Variants in CYLD observed in about 807,000 individuals in gnomAD.
CYLD encodes the protein CYLD lysine 63 deubiquitinase, also known as ubiquitin carboxyl-terminal hydrolase CYLD.
CYLD carries 26 observed loss-of-function variants against 104.5 expected under a neutral mutation model. The observed-to-expected ratio is 0.25, with a 90% CI of 0.18 to 0.35. The LOEUF (loss-of-function observed/expected upper bound fraction) is 0.35. Ranked by LOEUF, CYLD falls within the 10% of genes least tolerant of loss-of-function variation. CYLD has a pLI of 1.00. For missense variants in CYLD, 703 were observed against 1,136.1 expected (o/e 0.62, Z 5.48); for synonymous variants, 385 against 399.9 (o/e 0.96, Z 0.45).
At chr16:50,781,897 A>G (rs1003181430) in intron 10 of CYLD, among the ~76,000 whole-genome samples, 1 of 152,216 alleles carries the variant, frequency 6.6e-6, no homozygotes, top group Non-Finnish European at 1.5e-5. Context: ...CCACTTCTAC[A>G]TAATAGTGGA....
chr16:50,795,227 A>G (rs1228595256), intron 18 of CYLD, among the ~76,000 whole-genome samples: 1 of 152,154 alleles, frequency 6.6e-6, no homozygotes, highest in Non-Finnish European at 1.5e-5. Flanking sequence ...GTACTAAACC[A>G]TGTTATCTTC....
In CYLD at chr16:50,782,348, G is replaced by A; in HGVS notation, c.1708G>A (p.Val570Ile). Residue 570 changes from valine (V) to isoleucine (I), a missense_variant, in exon 11 of 19, where the codon GTA becomes ATA. Around this residue, in one of 5 missense-constraint regions of CYLD, gnomAD observed 125 missense variants for 325.4 expected, o/e 0.38. Coordinates refer to ENST00000427738, the MANE Select transcript of CYLD (RefSeq NM_001378743.1). ...SLAFGGYLSE[V>I]VEENTPPKME... ...AGCATTTGGAGGCTACTTAAGTGAA[G>A]TAGTAGAAGAAAATACTCCACCAAA... The A allele has an allele frequency of 1.9e-6, 3 of 1,612,152 alleles. No homozygotes were observed. Among genetic ancestry groups the A allele is most frequent in the Non-Finnish European group, 2.5e-6 (3 of 1,178,416 alleles).
At chr16:50,778,439 TCAAA>T (rs761813087) in intron 8 of CYLD, 3 of 158,238 alleles carry the variant, frequency 1.9e-5, no homozygotes, top group Non-Finnish European at 2.8e-5. Context: ...TAGAAATTAG[TCAAA>T]CAACCACAGA....
chr16:50,801,547 A>G lies in CYLD; in HGVS notation c.*5039A>G, dbSNP rs1254749180. 4.3e-6 allele frequency: 1 copy of G among 233,710 alleles called. No homozygotes were observed. The highest frequency in any genetic ancestry group is 2.2e-5 in the African/African-American group (1 of 45,364). The allele number at this position is 233,710 out of a possible 1,614,324, so 14.5% of individuals were successfully genotyped here. ...ACTCAACTGCCCTTGGTTTTAGTTT[A>G]TAAAATGGCCTAGTACTGTGGAATT... On this transcript the variant is annotated 3_prime_UTR_variant, in exon 19 of 19. Coordinates refer to ENST00000427738, the MANE Select transcript of CYLD (RefSeq NM_001378743.1).
At chr16:50,766,936 G>T (rs1968587747) in intron 5 of CYLD, among the ~76,000 whole-genome samples, 1 of 152,208 alleles carries the variant, frequency 6.6e-6, no homozygotes, top group Non-Finnish European at 1.5e-5. Flanking sequence ...GACAACAAAG[G>T]ATTTAGAATA....
chr16:50,756,501 T>C (rs1967257602), intron 5 of CYLD, among the ~76,000 whole-genome samples: 1 of 152,204 alleles, frequency 6.6e-6, no homozygotes, highest in Non-Finnish European at 1.5e-5. Flanking sequence ...CAATCTTTTA[T>C]TTTGCCTCTA....
At position 50,786,912 on chromosome 16, in the gene CYLD, G is replaced by A; in HGVS notation, c.2007G>A (p.Val669=). ...AACTGAGGAAAATACTTGAAAAGGT[G>A]GAGGCTGCATCAGGATTTACCTCTG... The part of the protein sequence containing the change: ...IMKLRKILEK[V]EAASGFTSEE... The change falls in exon 13 of 19, where the codon GTG becomes GTA. Residue 669 remains valine, a synonymous_variant. Transcript: ENST00000427738. 6.2e-7 allele frequency: 1 copy of A among 1,614,046 alleles called. No homozygotes were observed.
chr16:50,792,515 G>C lies in CYLD; in HGVS notation c.2242-82G>C. On this transcript the variant is annotated intron_variant, in intron 15 of 18. Coordinates refer to ENST00000427738, the MANE Select transcript of CYLD (RefSeq NM_001378743.1). The stretch of plus-strand genomic sequence containing the variant: ...ATATTAAGGCAGAACTGTTTTGTTT[G>C]ACAGCCATGACTATTTTGGTTTCAT... The C allele has an allele frequency of 5.6e-6, 5 of 900,512 alleles. No homozygotes were observed. The South Asian group carries it at 7.3e-5, about 13-fold the overall frequency. 55.8% of individuals were successfully genotyped at this position (900,512 alleles called of 1,614,324 possible). A position where few individuals can be genotyped will look rare whatever the true frequency, so the allele number is the denominator to read the frequency against.
chr16:50,754,456 G>T (rs1169401220), intron 5 of CYLD, 32 bp downstream of exon 5: 1 of 1,418,320 alleles, frequency 7.1e-7, no homozygotes, highest in African/African-American at 1.4e-5. Flanking sequence ...CATTTATAAG[G>T]CAAACTTTAT....
chr16:50,791,087 C>T (rs1350427686), intron 14 of CYLD, among the ~76,000 whole-genome samples: 1 of 152,180 alleles, frequency 6.6e-6, no homozygotes, highest in Non-Finnish European at 1.5e-5. Flanking sequence ...AAGTCATTCT[C>T]CTTCCCTAGA....
At chr16:50,748,095 G>T (rs1222438267) in intron 2 of CYLD, among the ~76,000 whole-genome samples, 1 of 152,030 alleles carries the variant, frequency 6.6e-6, no homozygotes, top group East Asian at 1.9e-4. Flanking sequence ...TTTTTTAATT[G>T]CTAGAATAAA....
intron 5 of CYLD, among the ~76,000 whole-genome samples, chr16:50,755,116 C>T (rs140967453): frequency 0.04 from 1,428 of 35,286 alleles, 25 homozygotes; most frequent in Non-Finnish European, 0.058. Flanking sequence ...CACACATATA[C>T]ACATGTGTAT....
rs559612819 is a variant in CYLD, at chr16:50,749,677, G to C, written c.-22G>C. 3.1e-6 allele frequency: 5 copies of C among 1,610,650 alleles called. No individual in the cohort carries two copies. The highest frequency in any genetic ancestry group is 1.7e-5 in the Admixed American group (1 of 59,666). ...TTAGTAGTTTCCCTTTTTTGAATTA[G>C]TATTTTGAAGTTAATATCACAATGA... On this transcript the variant is annotated 5_prime_UTR_variant, in exon 3 of 19. Transcript: ENST00000427738.
chr16:50,801,861 A>T lies in CYLD; in HGVS notation c.*5353A>T, dbSNP rs561354135. The T allele has an allele frequency of 8.6e-6, 2 of 232,952 alleles. No individual in the cohort carries two copies. Among genetic ancestry groups the T allele is most frequent in the South Asian group, 3.6e-4 (2 of 5,522 alleles). The allele number at this position is 232,952 out of a possible 1,614,324, so 14.4% of individuals were successfully genotyped here. ...CTTAATTTTGTTAAATTTTTTAGAG[A>T]TGAATGAAGTGCTGCTGTGGAAAGA... is the stretch of plus-strand genomic sequence containing the variant. On this transcript the variant is annotated 3_prime_UTR_variant, in exon 19 of 19. Coordinates refer to ENST00000427738, the MANE Select transcript of CYLD (RefSeq NM_001378743.1).
intron 5 of CYLD, among the ~76,000 whole-genome samples, chr16:50,771,518 C>G (rs527433824): frequency 4.1e-4 from 62 of 152,238 alleles, no homozygotes; most frequent in Middle Eastern, 3.4e-3. Context: ...GTTGGGTACT[C>G]CCTAGGAGTA....
Position 50,751,881 on chromosome 16 carries a change from T to A in CYLD, c.782T>A (p.Leu261Ter). The change falls in exon 4 of 19, where the codon TTA becomes TAA. Residue 261 changes from leucine to a stop codon, truncating the protein, a stop_gained. Coordinates refer to ENST00000427738, the MANE Select transcript of CYLD (RefSeq NM_001378743.1). LOFTEE classifies it high-confidence loss of function. ...FCDVLPGKES[L>*]GYFVGVDMDN... is the part of the protein sequence containing the mutation. ...GATGTTTTGCCAGGAAAAGAAAGCT[T>A]AGGATATTTTGTTGGTGTGGACATG... is the stretch of plus-strand genomic sequence containing the variant. The A allele has an allele frequency of 6.2e-7, 1 of 1,611,702 alleles. No homozygotes were observed. The highest frequency in any genetic ancestry group is 2.2e-5 in the East Asian group (1 of 44,818).
intron 5 of CYLD, among the ~76,000 whole-genome samples, chr16:50,758,817 G>T (rs1364993713): frequency 6.6e-6 from 1 of 152,072 alleles, no homozygotes; most frequent in African/African-American, 2.4e-5. Flanking sequence ...TGGAAGTCAG[G>T]ATCTTGGTTT....
At chr16:50,790,200 A>T (rs1475697412) in intron 14 of CYLD, among the ~76,000 whole-genome samples, 3 of 152,262 alleles carry the variant, frequency 2.0e-5, no homozygotes, top group Non-Finnish European at 4.4e-5. Flanking sequence ...CTAAATTACC[A>T]TTCAGAGACT....
intron 2 of CYLD, among the ~76,000 whole-genome samples, chr16:50,746,714 A>C (rs569007315): frequency 4.6e-5 from 7 of 152,168 alleles, no homozygotes; most frequent in African/African-American, 1.7e-4. Context: ...CATTTTTATA[A>C]ACCTAGCAGT....
Sources: allele counts gnomAD v4.1 joint callset (sites outside exome capture counted in the v4.1 genomes callset), GRCh38; gene constraint gnomAD v4.1.1; regional missense constraint gnomAD v4.1.1; transcripts MANE v1.5; gene names NCBI Gene and HGNC (gene_info 2026-07-23, HGNC 2026-07-21).